Variants in NSD1 observed in about 807,000 individuals in gnomAD.
NSD1 encodes the protein nuclear receptor binding SET domain protein 1, also known as histone-lysine N-methyltransferase, H3 lysine-36 specific.
In NSD1, 26 loss-of-function variants were observed where a neutral mutation model predicts 242.7. That is an observed-to-expected ratio of 0.11 (90% CI 0.08 to 0.15). The LOEUF is 0.15. Ranked by LOEUF, NSD1 falls within the 10% of genes least tolerant of loss-of-function variation. The pLI is 1.00. For missense variants in NSD1, 2,495 were observed against 3,272.8 expected (o/e 0.76, Z 5.80); for synonymous variants, 1,106 against 1,178.1 (o/e 0.94, Z 1.25).
In NSD1 at chr5:177,298,705, C is replaced by T. The variant is rs1310233661; in HGVS notation, c.*3246C>T. 8.6e-6 allele frequency: 2 copies of T among 233,164 alleles called. No individual in the cohort carries two copies. The highest frequency in any genetic ancestry group is 6.0e-5 in the East Asian group (1 of 16,610). The allele number at this position is 233,164 out of a possible 1,614,324, so 14.4% of individuals were successfully genotyped here. Reference sequence around the variant, plus strand: ...CACCCTGTTGATCCCTTCCCAGGCTCGGCACTGTCTGCTCACTGGAGCCGG... The same window carrying T: ...CACCCTGTTGATCCCTTCCCAGGCTTGGCACTGTCTGCTCACTGGAGCCGG... On this transcript the variant is annotated 3_prime_UTR_variant, in exon 23 of 23. Coordinates refer to ENST00000439151, the MANE Select transcript of NSD1 (RefSeq NM_022455.5).
chr5:177,175,382 CTG>C (rs1760108596), intron 2 of NSD1, among the ~76,000 whole-genome samples: 1 of 152,028 alleles, frequency 6.6e-6, no homozygotes, highest in Admixed American at 6.6e-5. Context: ...TCTCAGCACT[CTG>C]TGAGGCCAGT....
At chr5:177,241,625 T>C (rs1045803530) in intron 8 of NSD1, among the ~76,000 whole-genome samples, 2 of 152,182 alleles carry the variant, frequency 1.3e-5, no homozygotes, top group African/African-American at 4.8e-5. Context: ...ATTTTTACTT[T>C]TGGGGAGAGG....
intron 3 of NSD1, among the ~76,000 whole-genome samples, chr5:177,201,384 G>A (rs954718815): frequency 1.3e-5 from 2 of 151,888 alleles, no homozygotes; most frequent in African/African-American, 2.4e-5. Context: ...TAATGGCTAA[G>A]ATCTTAACAT....
At chr5:177,199,990 A>G (rs189748823) in intron 3 of NSD1, among the ~76,000 whole-genome samples, 35 of 152,328 alleles carry the variant, frequency 2.3e-4, no homozygotes, top group African/African-American at 7.7e-4. Flanking sequence ...CTCAACTTAC[A>G]ATGGGGATAC....
intron 2 of NSD1, among the ~76,000 whole-genome samples, chr5:177,158,277 C>CTT (rs1235208353): frequency 1.0e-5 from 1 of 97,172 alleles, no homozygotes; most frequent in Non-Finnish European, 1.9e-5. Context: ...TTCTTTCTTT[C>CTT]TTTCTTTCTT....
intron 16 of NSD1, among the ~76,000 whole-genome samples, chr5:177,271,616 G>C (rs756283768): frequency 6.6e-6 from 1 of 152,180 alleles, no homozygotes; most frequent in African/African-American, 2.4e-5. Context: ...GTGAAAGCAC[G>C]TGTTGAATCT....
intron 2 of NSD1, among the ~76,000 whole-genome samples, chr5:177,184,271 C>T (rs879524034): frequency 3.3e-5 from 5 of 152,102 alleles, no homozygotes; most frequent in Admixed American, 6.6e-5. Context: ...TCCCTTTTCT[C>T]CACATCCTTT....
intron 9 of NSD1, among the ~76,000 whole-genome samples, chr5:177,246,319 A>C (rs1416130974): frequency 6.6e-6 from 1 of 152,166 alleles, no homozygotes; most frequent in Admixed American, 6.6e-5. Flanking sequence ...CCAGTCTTGA[A>C]GTCTAGGGAG....
At chr5:177,242,486 T>C (rs6891975) in intron 8 of NSD1, among the ~76,000 whole-genome samples, 3,963 of 150,492 alleles carry the variant, frequency 0.026, 182 homozygotes, top group African/African-American at 0.092. Context: ...TTCCAAACAT[T>C]AGGAACTCTA....
chr5:177,219,076 G>C (rs1413266264), intron 5 of NSD1, among the ~76,000 whole-genome samples: 1 of 151,654 alleles, frequency 6.6e-6, no homozygotes, highest in East Asian at 1.9e-4. Context: ...TTATTTTTCT[G>C]TCTTCTCGAG....
Position 177,237,290 on chromosome 5 carries a change from T to C in NSD1, c.3922-947T>C, listed in dbSNP as rs567250630. 2.6e-5 allele frequency among the ~76,000 whole-genome samples: 4 copies of C among 152,246 alleles called. No individual in the cohort carries two copies. In the East Asian group the frequency reaches 7.7e-4, roughly 29 times the overall value. ...CTCTTTCATTAATTGGACTCTGTTA[T>C]TGTCCTGAAATACTTGAAAGGCAGA... On this transcript the variant is annotated intron_variant, in intron 6 of 22. Coordinates refer to ENST00000439151, the MANE Select transcript of NSD1 (RefSeq NM_022455.5).
At chr5:177,217,483 C>T (rs1187572719) in intron 5 of NSD1, among the ~76,000 whole-genome samples, 1 of 152,216 alleles carries the variant, frequency 6.6e-6, no homozygotes, top group Admixed American at 6.5e-5. Context: ...TCTGCTAGGA[C>T]TTCAAATAAT....
At position 177,135,909 on chromosome 5, in the gene NSD1, A is replaced by G; in HGVS notation, c.806A>G (p.Glu269Gly). 6.2e-7 allele frequency: 1 copy of G among 1,612,322 alleles called. No homozygotes were observed. The highest frequency in any genetic ancestry group is 2.2e-5 in the East Asian group (1 of 44,822). The change falls in exon 2 of 23, where the codon GAG (glutamate) becomes GGG (glycine). Residue 269 changes from glutamate to glycine, a missense_variant. Transcript: ENST00000439151. ...GGAGACACAAACATTACAATAGAAG[A>G]GCAATTAAACTCAATAAATTTATCT... ...SLGDTNITIE[E>G]QLNSINLSFQ... is the part of the protein sequence containing the mutation.
chr5:177,147,236 G>C (rs1757326561), intron 2 of NSD1, among the ~76,000 whole-genome samples: 1 of 152,020 alleles, frequency 6.6e-6, no homozygotes, highest in Non-Finnish European at 1.5e-5. Context: ...CTCCTGATTA[G>C]CTGCGACTAC....
rs2149934107 is a variant in NSD1 at position 177,269,543 on chromosome 5, AT to A, written c.5304-55del. ...ATCCTTACTTTTATATGAGTAGGTT[AT>A]TTTCCTAATGCCTTGCAGCCTTCTA... On this transcript the variant is annotated intron_variant, in intron 15 of 22. Transcript: ENST00000439151. This position sits in a 1 kb window ranked among gnomAD's most constrained non-coding sequence, Gnocchi z 5.1. 6.8e-7 allele frequency: 1 copy of A among 1,472,616 alleles called. No homozygotes were observed. 91.2% of individuals were successfully genotyped at this position (1,472,616 alleles called of 1,614,324 possible). A position where few individuals can be genotyped will look rare whatever the true frequency, so the allele number is the denominator to read the frequency against.
intron 2 of NSD1, among the ~76,000 whole-genome samples, chr5:177,148,922 G>T (rs1465728036): frequency 6.6e-6 from 1 of 152,162 alleles, no homozygotes; most frequent in East Asian, 1.9e-4. Context: ...GGCTTCAAGT[G>T]ATTCTCCTGC....
chr5:177,244,603 A>C (rs931647534), intron 9 of NSD1, among the ~76,000 whole-genome samples: 1 of 152,174 alleles, frequency 6.6e-6, no homozygotes, highest in Non-Finnish European at 1.5e-5. Context: ...GACCAATTTC[A>C]TGGTCATACT....
At chr5:177,167,743 C>G (rs1478378840) in intron 2 of NSD1, among the ~76,000 whole-genome samples, 4 of 152,120 alleles carry the variant, frequency 2.6e-5, no homozygotes, top group East Asian at 3.8e-4. Flanking sequence ...TTTTGAACTT[C>G]ATGGTGGGCT....
chr5:177,190,874 A>G (rs1342157259), intron 2 of NSD1, among the ~76,000 whole-genome samples: 3 of 150,436 alleles, frequency 2.0e-5, no homozygotes, highest in Non-Finnish European at 4.4e-5. Context: ...TCACCGTGTT[A>G]GCCAGGATGG....
Sources: gnomAD v4.1 joint callset for allele counts (sites outside exome capture counted in the v4.1 genomes callset) on GRCh38, gnomAD v4.1.1 for gene constraint, Gnocchi (gnomAD v3.1) non-coding constraint, MANE v1.5 for transcripts, NCBI Gene and HGNC (gene_info 2026-07-23, HGNC 2026-07-21) for gene names.